CASD1: variants seen among roughly 807,000 people sequenced by gnomAD.
The protein encoded by CASD1 is N-acetylneuraminate (7)9-O-acetyltransferase.
A neutral mutation model predicts 100.0 loss-of-function variants in CASD1; 41 were observed. The observed-to-expected ratio is 0.41, with a 90% confidence interval of 0.32 to 0.53. The LOEUF is 0.53. Among genes scored for constraint, CASD1 ranks in the 20% least tolerant of loss-of-function variants. CASD1 has a pLI of 0.25. For missense variants in CASD1, 774 were observed against 948.7 expected (o/e 0.82, Z 2.42); for synonymous variants, 321 against 315.6 (o/e 1.02, Z -0.18).
At chr7:94,536,273 T>C (rs2116329587) in intron 8 of CASD1, among the ~76,000 whole-genome samples, 1 of 152,266 alleles carries the variant, frequency 6.6e-6, no homozygotes, top group East Asian at 1.9e-4. Context: ...CTTATAGCTC[T>C]TCTATCCTAA....
At chr7:94,624,631 T>C in the CASD1 span, 1 of 163,836 alleles carries the variant, frequency 6.1e-6, no homozygotes, top group Non-Finnish European at 1.3e-5. Flanking sequence ...AAATGAAACA[T>C]ACAAAAAATG....
chr7:94,573,045 G>T, the CASD1 span, among the ~76,000 whole-genome samples: 1 of 151,808 alleles, frequency 6.6e-6, no homozygotes. Context: ...TCATAGGGGT[G>T]CAGTCTTATA....
chr7:94,554,647 GTAAATATCACACA>G, intron 17 of CASD1, 72 bp downstream of exon 17: 1 of 902,396 alleles, frequency 1.1e-6, no homozygotes. Context: ...GTGTGTGTGT[GTAAATATCACACA>G]TATATGTGAG....
At chr7:94,602,603 ATTG>A in the CASD1 span, among the ~76,000 whole-genome samples, 1 of 152,132 alleles carries the variant, frequency 6.6e-6, no homozygotes, top group Non-Finnish European at 1.5e-5. Context: ...AAAACAAAGA[ATTG>A]AAACAACTCT....
the CASD1 span, among the ~76,000 whole-genome samples, chr7:94,585,962 A>G: frequency 2.1e-5 from 3 of 144,584 alleles, no homozygotes; most frequent in South Asian, 2.3e-4. Context: ...TAACTGCTCT[A>G]TTATCCCAGC....
At chr7:94,534,950 C>T (rs771873879) in intron 7 of CASD1, among the ~76,000 whole-genome samples, 1 of 152,160 alleles carries the variant, frequency 6.6e-6, no homozygotes, top group Non-Finnish European at 1.5e-5. Context: ...TTTAATTAAG[C>T]AGTCTTCTAT....
downstream of CASD1, among the ~76,000 whole-genome samples, chr7:94,559,390 TA>T (rs1200784474): frequency 6.6e-6 from 1 of 151,678 alleles, no homozygotes; most frequent in African/African-American, 2.4e-5. Context: ...TGTTCAAAAG[TA>T]ACCATTATGA....
chr7:94,562,636 T>TA, the CASD1 span, among the ~76,000 whole-genome samples: 1 of 152,064 alleles, frequency 6.6e-6, no homozygotes. Flanking sequence ...CTTTTTTTTT[T>TA]CTTTGAGATT....
chr7:94,542,306 A>G (rs938101570), intron 10 of CASD1, among the ~76,000 whole-genome samples: 7 of 152,208 alleles, frequency 4.6e-5, no homozygotes, highest in African/African-American at 1.4e-4. Context: ...CATTCACTGC[A>G]TGTGGCTATT....
At chr7:94,554,255 T>A (rs1198041587) in intron 16 of CASD1, 10 of 354,332 alleles carry the variant, frequency 2.8e-5, no homozygotes, top group Non-Finnish European at 4.6e-5. Context: ...ATGTACTACT[T>A]AAAATGTTCA....
chr7:94,619,079 T>TA, the CASD1 span: 2 of 732,372 alleles, frequency 2.7e-6, no homozygotes, highest in Non-Finnish European at 4.9e-6. Flanking sequence ...GCAATATTAA[T>TA]ACTGACTTTA....
the CASD1 span, chr7:94,599,968 G>A: frequency 0.087 from 32,144 of 368,936 alleles, 1,819 homozygotes; most frequent in East Asian, 0.22. Flanking sequence ...GGCCTTGATT[G>A]AAATAAATTC....
At chr7:94,541,064 A>G (rs900350272) in intron 10 of CASD1, among the ~76,000 whole-genome samples, 1 of 152,058 alleles carries the variant, frequency 6.6e-6, no homozygotes, top group Non-Finnish European at 1.5e-5. Flanking sequence ...AATTTTAAAA[A>G]ATCTGTGTTC....
At chr7:94,537,359 T>TA in intron 8 of CASD1, 113 bp from the exon 9 acceptor site, 1 of 889,058 alleles carries the variant, frequency 1.1e-6, no homozygotes, top group South Asian at 1.7e-5. Context: ...TAGCAAAAGA[T>TA]ACGAAAGCAT....
the CASD1 span, among the ~76,000 whole-genome samples, chr7:94,608,519 T>C: frequency 6.6e-6 from 1 of 152,202 alleles, no homozygotes; most frequent in Non-Finnish European, 1.5e-5. Context: ...ATAGATTCAA[T>C]GTAATCTCAA....
the CASD1 span, among the ~76,000 whole-genome samples, chr7:94,596,351 G>A: frequency 6.6e-6 from 1 of 152,182 alleles, no homozygotes; most frequent in South Asian, 2.1e-4. Context: ...TAAAATGACA[G>A]CAACCTTTTT....
chr7:94,593,391 C>T, the CASD1 span, among the ~76,000 whole-genome samples: 1 of 151,866 alleles, frequency 6.6e-6, no homozygotes, highest in Non-Finnish European at 1.5e-5. Flanking sequence ...ATGAAGATGC[C>T]TACCACTCCA....
chr7:94,608,816 T>C, the CASD1 span, among the ~76,000 whole-genome samples: 1 of 152,144 alleles, frequency 6.6e-6, no homozygotes, highest in Non-Finnish European at 1.5e-5. Context: ...GGCAATACAA[T>C]GGAGGAAAGA....
At chr7:94,598,988 C>T in the CASD1 span, 1 of 1,579,518 alleles carries the variant, frequency 6.3e-7, no homozygotes, top group South Asian at 1.1e-5. Context: ...AATAAAACAA[C>T]ATATATTTAA....
Sources: allele counts gnomAD v4.1 joint callset (sites outside exome capture counted in the v4.1 genomes callset), GRCh38; gene constraint gnomAD v4.1.1; transcripts MANE v1.5; gene names NCBI Gene and HGNC (gene_info 2026-07-23, HGNC 2026-07-21).